UTP25: variants seen among roughly 807,000 people sequenced by gnomAD.
UTP25 encodes the protein U3 small nucleolar RNA-associated protein 25 homolog.
A neutral mutation model predicts 78.9 loss-of-function variants in UTP25; 50 were observed. That is an observed-to-expected ratio of 0.63 (90% CI 0.50 to 0.80). The LOEUF (loss-of-function observed/expected upper bound fraction) is 0.80, where lower values mean the gene tolerates loss of function less well. UTP25 is among the 30% of genes least tolerant of loss of function. The pLI is 0.00. For missense variants in UTP25, 846 were observed against 911.3 expected (o/e 0.93, Z 0.92); for synonymous variants, 329 against 336.5 (o/e 0.98, Z 0.24).
At chr1:209,829,705 C>T (rs1375385736) in intron 1 of UTP25, among the ~76,000 whole-genome samples, 5 of 152,070 alleles carry the variant, frequency 3.3e-5, no homozygotes, top group Non-Finnish European at 4.4e-5. Flanking sequence ...AGGTTGGTCT[C>T]AAACTCCTGG....
Position 209,856,676 on chromosome 1 carries a change from A to G in UTP25, c.*5229A>G, listed in dbSNP as rs1169441896. The G allele has an allele frequency of 6.6e-6, 1 of 152,358 alleles. No individual in the cohort carries two copies. The highest frequency in any genetic ancestry group is 2.4e-5 in the African/African-American group (1 of 41,572). The allele number at this position is 152,358 out of a possible 1,614,324, so 9.4% of individuals were successfully genotyped here. ...GACTGATACAGAAGACAAAAATGGC[A>G]TCACAGACTCCTGAACTCCAAAGAC... On this transcript the variant is annotated 3_prime_UTR_variant, in exon 12 of 12. Coordinates refer to ENST00000491415, the MANE Select transcript of UTP25 (RefSeq NM_014388.7).
intron 1 of UTP25, among the ~76,000 whole-genome samples, chr1:209,828,387 T>A (rs2102565185): frequency 6.8e-6 from 1 of 147,550 alleles, no homozygotes; most frequent in African/African-American, 2.5e-5. Context: ...GGCACGCCCG[T>A]TGTGTGGGGG....
chr1:209,833,255 C>T lies in UTP25; in HGVS notation c.459C>T (p.Ser153=), dbSNP rs1454629292. Residue 153 remains serine (S), a synonymous_variant, in exon 4 of 12, where the codon TCC becomes TCT. Coordinates refer to ENST00000491415, the MANE Select transcript of UTP25 (RefSeq NM_014388.7). The part of the protein sequence containing the change: ...GEEPPGTSQT[S]PEEFTDAKHE... The stretch of plus-strand genomic sequence containing the variant: ...AGCCACCGGGCACATCACAAACATC[C>T]CCCGAAGAGTTCACAGATGCAAAAC... The T allele has an allele frequency of 2.5e-6, 4 of 1,613,218 alleles. No homozygotes were observed. The highest frequency in any genetic ancestry group is 3.4e-6 in the Non-Finnish European group (4 of 1,179,696).
intron 5 of UTP25, 22 bp downstream of exon 5, chr1:209,835,185 C>A (rs747922189): frequency 1.9e-6 from 3 of 1,600,856 alleles, no homozygotes; most frequent in Non-Finnish European, 2.6e-6. Flanking sequence ...TTGGTCATCC[C>A]GGTCACAAAT....
chr1:209,838,674 G>A (rs977395542), intron 6 of UTP25: 1 of 561,698 alleles, frequency 1.8e-6, no homozygotes, highest in African/African-American at 1.9e-5. Flanking sequence ...CTTGAGAAAT[G>A]TCTCACGTGG....
In UTP25 at chr1:209,836,853, CA is replaced by C. The variant is rs778717225; in HGVS notation, c.705del (p.Phe236LeufsTer9). On this transcript the variant is annotated frameshift_variant, in exon 6 of 12. Coordinates refer to ENST00000491415, the MANE Select transcript of UTP25 (RefSeq NM_014388.7). LOFTEE classifies it high-confidence loss of function. ...FFSSKFQKLETFKPPKDIDLK... is the reference protein window; with the variant it reads ...FFSSKFQKLEXFKPPKDIDLK... The stretch of plus-strand genomic sequence containing the variant: ...TCCTCTAAGTTTCAGAAGTTGGAAA[CA>C]TTTAAACCCCCAAAGGATATTGACT... 6.2e-7 allele frequency: 1 copy of C among 1,613,438 alleles called. No homozygotes were observed. The highest frequency in any genetic ancestry group is 2.2e-5 in the East Asian group (1 of 44,870).
chr1:209,842,385 G>A lies in UTP25; in HGVS notation c.1606G>A (p.Ala536Thr). ...KYYRQTLLFG[A>T]LQDAQINSVF... ...CTATCGCCAGACACTGCTATTTGGG[G>A]CCCTTCAGGATGCCCAGATCAACTC... The change falls in exon 9 of 12, where the codon GCC becomes ACC. Residue 536 changes from alanine (A) to threonine (T), a missense_variant. Coordinates refer to ENST00000491415, the MANE Select transcript of UTP25 (RefSeq NM_014388.7). 1 of 1,614,156 alleles carries A rather than the reference G, an allele frequency of 6.2e-7. No individual in the cohort carries two copies. Among genetic ancestry groups the A allele is most frequent in the South Asian group, 1.1e-5 (1 of 91,084 alleles).
chr1:209,854,792 C>T lies in UTP25; in HGVS notation c.*3345C>T, dbSNP rs548820076. On this transcript the variant is annotated 3_prime_UTR_variant, in exon 12 of 12. Transcript: ENST00000491415. ...CAGGGGCCTGAGGTGCCCAAAGCTTCGTGGAAAAGTAATGTCAGTGGAATG... is the reference window on the plus strand; with the variant it reads ...CAGGGGCCTGAGGTGCCCAAAGCTTTGTGGAAAAGTAATGTCAGTGGAATG... The T allele has an allele frequency of 5.9e-5, 9 of 152,198 alleles. No individual in the cohort carries two copies. The highest frequency in any genetic ancestry group is 9.7e-5 in the African/African-American group (4 of 41,436). The allele number at this position is 152,198 out of a possible 1,614,324, so 9.4% of individuals were successfully genotyped here. A position where few individuals can be genotyped will look rare whatever the true frequency, so the allele number is the denominator to read the frequency against.
chr1:209,846,565 T>C (rs6540564), intron 11 of UTP25, among the ~76,000 whole-genome samples: 22,847 of 152,242 alleles, frequency 0.15, 1,819 homozygotes, highest in South Asian at 0.21. Flanking sequence ...AAGGAGCCAG[T>C]CTTTCAAGTT....
At chr1:209,843,398 C>T (rs186618317) in intron 10 of UTP25, 53 bp from the exon 11 acceptor site, 2 of 1,596,752 alleles carry the variant, frequency 1.3e-6, no homozygotes, top group East Asian at 2.2e-5. Flanking sequence ...AGTTAAGAGA[C>T]ACCATAAGCT....
At chr1:209,841,367 G>A (rs2102576309) in intron 8 of UTP25, among the ~76,000 whole-genome samples, 1 of 152,310 alleles carries the variant, frequency 6.6e-6, no homozygotes, top group East Asian at 1.9e-4. Flanking sequence ...GGGATAGGTT[G>A]ATGGATGGAT....
chr1:209,829,416 C>T (rs983433752), intron 1 of UTP25, among the ~76,000 whole-genome samples: 1 of 152,044 alleles, frequency 6.6e-6, no homozygotes, highest in African/African-American at 2.4e-5. Flanking sequence ...CAGTTATGAT[C>T]TCAATGCTCA....
chr1:209,836,657 C>A, intron 5 of UTP25, 144 bp from the exon 6 acceptor site: 1 of 837,902 alleles, frequency 1.2e-6, no homozygotes, highest in Non-Finnish European at 1.8e-6. Flanking sequence ...ACATGAGTAT[C>A]ATGGTAACTA....
In UTP25 at chr1:209,852,087, C is replaced by G. The variant is rs1374406981; in HGVS notation, c.*640C>G. The G allele has an allele frequency of 1.3e-5, 2 of 152,156 alleles. No homozygotes were observed. The highest frequency in any genetic ancestry group is 2.4e-5 in the African/African-American group (1 of 41,406). 9.4% of individuals were successfully genotyped at this position (152,156 alleles called of 1,614,324 possible). ...ACGTTATTTAAAAAACACATCAGCT[C>G]TGTCTCAAGAAGTAATTTTGTTGAA... On this transcript the variant is annotated 3_prime_UTR_variant, in exon 12 of 12. Transcript: ENST00000491415.
At chr1:209,850,436 T>C (rs566009122) in intron 11 of UTP25, among the ~76,000 whole-genome samples, 1 of 152,116 alleles carries the variant, frequency 6.6e-6, no homozygotes, top group East Asian at 1.9e-4. Context: ...CCCAAGGGAG[T>C]CTAACGTCTT....
intron 2 of UTP25, among the ~76,000 whole-genome samples, chr1:209,830,568 T>C (rs1349619692): frequency 6.6e-6 from 1 of 152,084 alleles, no homozygotes; most frequent in Non-Finnish European, 1.5e-5. Flanking sequence ...CTATTAAACC[T>C]GTGGCCTAAT....
At chr1:209,840,714 A>G in intron 7 of UTP25, 139 bp from the exon 8 acceptor site, 1 of 752,498 alleles carries the variant, frequency 1.3e-6, no homozygotes, top group Non-Finnish European at 2.3e-6. Context: ...TAATAATTAA[A>G]GCAGTTGAGC....
intron 5 of UTP25, among the ~76,000 whole-genome samples, chr1:209,835,453 C>T (rs1022158711): frequency 4.6e-5 from 7 of 152,218 alleles, no homozygotes; most frequent in Non-Finnish European, 1.0e-4. Context: ...GCAAGTTCAT[C>T]TGCTTTTTTG....
rs762147245 is a variant in UTP25 at position 209,833,237 on chromosome 1, G to C, written c.441G>C (p.Pro147=). The change falls in exon 4 of 12, where the codon CCG becomes CCC. Residue 147 remains proline (P), a synonymous_variant. Transcript: ENST00000491415. ...GAAAAGAAGATGGGGAAGAGCCACC[G>C]GGCACATCACAAACATCCCCCGAAG... The part of the protein sequence containing the change: ...PEGKEDGEEP[P]GTSQTSPEEF... 2 of 1,613,738 alleles carry C rather than the reference G, an allele frequency of 1.2e-6. No individual in the cohort carries two copies. The highest frequency in any genetic ancestry group is 1.7e-6 in the Non-Finnish European group (2 of 1,179,892).
Sources: gnomAD v4.1 joint callset for allele counts (sites outside exome capture counted in the v4.1 genomes callset) on GRCh38, gnomAD v4.1.1 for gene constraint, MANE v1.5 for transcripts, NCBI Gene and HGNC (gene_info 2026-07-23, HGNC 2026-07-21) for gene names.